Variants in LRRC7 observed in about 807,000 individuals in gnomAD.
LRRC7 encodes the protein leucine-rich repeat-containing protein 7.
LRRC7 carries 23 observed loss-of-function variants against 175.7 expected under a neutral mutation model. The observed-to-expected ratio is 0.13, with a 90% confidence interval of 0.09 to 0.19. LRRC7 has a LOEUF of 0.19. LRRC7 is among the 10% of genes least tolerant of loss of function. The pLI is 1.00. For missense variants in LRRC7, 1,354 were observed against 1,904.7 expected (o/e 0.71, Z 5.38); for synonymous variants, 685 against 680.9 (o/e 1.01, Z -0.09).
chr1:69,641,427 G>A (rs1229179605), intron 1 of LRRC7, among the ~76,000 whole-genome samples: 1 of 150,980 alleles, frequency 6.6e-6, no homozygotes, highest in Non-Finnish European at 1.5e-5. Flanking sequence ...ATGAGTAGAG[G>A]GAAATAAAGG....
Position 70,129,868 on chromosome 1 carries a change from A to G in LRRC7, c.*7981A>G, listed in dbSNP as rs574687515. The stretch of plus-strand genomic sequence containing the variant: ...GAAATTGTTTTCTTTTCTTCACCCT[A>G]TGCATACTCAGTGTTTTAGACACAT... On this transcript the variant is annotated 3_prime_UTR_variant, in exon 27 of 27. Transcript: ENST00000651989. Among the ~76,000 whole-genome samples, 29 of 152,312 alleles carry G rather than the reference A, an allele frequency of 1.9e-4. No individual in the cohort carries two copies. Among genetic ancestry groups the G allele is most frequent in the Non-Finnish European group, 2.9e-4 (20 of 68,022 alleles).
intron 21 of LRRC7, among the ~76,000 whole-genome samples, chr1:70,040,371 C>A (rs1402807289): frequency 6.6e-6 from 1 of 151,958 alleles, no homozygotes; most frequent in Admixed American, 6.6e-5. Context: ...AAAAAGCCTG[C>A]CATTTAGAAT....
chr1:69,575,972 A>G lies in LRRC7; in HGVS notation c.2+7331A>G, dbSNP rs553373869. Among the ~76,000 whole-genome samples the G allele has an allele frequency of 1.1e-4, 17 of 152,128 alleles. 1 individual carries two copies. In the South Asian group the frequency reaches 1.5e-3, roughly 13 times the overall value. The stretch of plus-strand genomic sequence containing the variant: ...ATTAAGTTACATTTTGGGCTGGGTG[A>G]CTGTAATCCAGCACTTTGGGAGGTT... On this transcript the variant is annotated intron_variant, in intron 1 of 26. Coordinates refer to ENST00000651989, the MANE Select transcript of LRRC7 (RefSeq NM_001370785.2).
At chr1:70,110,852 C>T (rs763051453) in intron 26 of LRRC7, among the ~76,000 whole-genome samples, 8 of 152,064 alleles carry the variant, frequency 5.3e-5, no homozygotes, top group Admixed American at 1.3e-4. Flanking sequence ...AAATTGTTTG[C>T]AATATCAGAT....
intron 4 of LRRC7, among the ~76,000 whole-genome samples, chr1:69,817,873 C>G (rs1185606314): frequency 6.6e-6 from 1 of 152,020 alleles, no homozygotes; most frequent in African/African-American, 2.4e-5. Flanking sequence ...GTGTGGTATT[C>G]TTTCCCACAT....
intron 1 of LRRC7, among the ~76,000 whole-genome samples, chr1:69,654,324 C>T (rs1656296610): frequency 6.6e-6 from 1 of 151,960 alleles, no homozygotes; most frequent in Admixed American, 6.6e-5. Flanking sequence ...TCAATGGAAA[C>T]TATACGTATA....
At chr1:69,843,886 G>A (rs535749328) in intron 7 of LRRC7, among the ~76,000 whole-genome samples, 30 of 152,144 alleles carry the variant, frequency 2.0e-4, no homozygotes, top group South Asian at 4.2e-4. Flanking sequence ...ATTCTGAACC[G>A]GTTCTTTTGC....
chr1:69,600,657 C>A (rs1225583242), intron 1 of LRRC7, among the ~76,000 whole-genome samples: 1 of 152,092 alleles, frequency 6.6e-6, no homozygotes, highest in African/African-American at 2.4e-5. Flanking sequence ...CATTTGGCTC[C>A]TATGCCCCTT....
chr1:69,905,125 T>A (rs1356183876), intron 7 of LRRC7, among the ~76,000 whole-genome samples: 3 of 152,152 alleles, frequency 2.0e-5, no homozygotes, highest in Non-Finnish European at 4.4e-5. Context: ...TGTCTTTACT[T>A]TTGTGAATAG....
chr1:70,121,687 T>A, intron 26 of LRRC7, 93 bp from the exon 27 acceptor site: 1 of 770,782 alleles, frequency 1.3e-6, no homozygotes, highest in East Asian at 2.7e-5. Context: ...CAACTTTTTG[T>A]TGCTCAGTGC....
intron 26 of LRRC7, among the ~76,000 whole-genome samples, chr1:70,116,563 A>AAC (rs1262367626): frequency 4.6e-5 from 7 of 151,852 alleles, no homozygotes; most frequent in African/African-American, 1.5e-4. Flanking sequence ...AAAAAAAAAA[A>AAC]AACACAGAAA....
At chr1:69,886,563 CTT>C (rs1645625022) in intron 7 of LRRC7, among the ~76,000 whole-genome samples, 1 of 151,338 alleles carries the variant, frequency 6.6e-6, no homozygotes. Flanking sequence ...GGTCTTGACT[CTT>C]TATCCAATTT....
chr1:69,945,514 G>T (rs1311984256), intron 8 of LRRC7, among the ~76,000 whole-genome samples: 1 of 152,006 alleles, frequency 6.6e-6, no homozygotes, highest in African/African-American at 2.4e-5. Flanking sequence ...GCTTGTTTTA[G>T]AATCATTTTT....
At chr1:69,788,376 A>G (rs1674735116) in intron 3 of LRRC7, among the ~76,000 whole-genome samples, 1 of 152,258 alleles carries the variant, frequency 6.6e-6, no homozygotes, top group Non-Finnish European at 1.5e-5. Context: ...TTGCTGTACC[A>G]AAAGATTACT....
chr1:70,070,153 C>G (rs1269539266), intron 23 of LRRC7, among the ~76,000 whole-genome samples: 3 of 152,098 alleles, frequency 2.0e-5, no homozygotes, highest in African/African-American at 7.2e-5. Context: ...ATCACCACAC[C>G]TGGCTAATTT....
Position 70,112,869 on chromosome 1 carries a change from T to C in LRRC7, c.4620+5043T>C, listed in dbSNP as rs571765547. On this transcript the variant is annotated intron_variant, in intron 26 of 26. Coordinates refer to ENST00000651989, the MANE Select transcript of LRRC7 (RefSeq NM_001370785.2). ...AGTTTTCAGGAGCAGGGGTAAGAGG[T>C]TTATGCTAGAAAGGGTGAATATGGA... Among the ~76,000 whole-genome samples, 15 of 151,736 alleles carry C rather than the reference T, an allele frequency of 9.9e-5. No homozygotes were observed. The South Asian group carries it at 3.1e-3, about 32-fold the overall frequency.
intron 4 of LRRC7, among the ~76,000 whole-genome samples, chr1:69,800,710 C>G (rs1569975800): frequency 6.6e-6 from 1 of 151,748 alleles, no homozygotes; most frequent in Non-Finnish European, 1.5e-5. Context: ...TTCCCTTTTC[C>G]AGCTTGAATG....
chr1:70,083,994 A>G lies in LRRC7; in HGVS notation c.4453-5733A>G, dbSNP rs901476501. ...AAGTGATCTTTTTTAATAAACATAAATTATATTACACCATTCTTCCTCTTA... is the reference window on the plus strand; with the variant it reads ...AAGTGATCTTTTTTAATAAACATAAGTTATATTACACCATTCTTCCTCTTA... On this transcript the variant is annotated intron_variant, in intron 24 of 26. Coordinates refer to ENST00000651989, the MANE Select transcript of LRRC7 (RefSeq NM_001370785.2). 2.6e-5 allele frequency among the ~76,000 whole-genome samples: 4 copies of G among 152,252 alleles called. No individual in the cohort carries two copies. In the South Asian group the frequency reaches 6.2e-4, roughly 24 times the overall value.
intron 23 of LRRC7, among the ~76,000 whole-genome samples, chr1:70,069,305 G>A (rs1455414598): frequency 6.6e-6 from 1 of 152,132 alleles, no homozygotes; most frequent in Non-Finnish European, 1.5e-5. Context: ...CAGAGTGAGT[G>A]CAAGCAGGGG....
Sources: allele counts gnomAD v4.1 joint callset (sites outside exome capture counted in the v4.1 genomes callset), GRCh38; gene constraint gnomAD v4.1.1; transcripts MANE v1.5; gene names NCBI Gene and HGNC (gene_info 2026-07-23, HGNC 2026-07-21).